CHAT: variants seen among roughly 807,000 people sequenced by gnomAD.
CHAT encodes choline O-acetyltransferase, also known as acetyl CoA:choline O-acetyltransferase.
In CHAT, 61 loss-of-function variants were observed where a neutral mutation model predicts 76.9. The ratio of observed to expected loss-of-function variants is 0.79; its 90% CI spans 0.65 to 0.98. The LOEUF (loss-of-function observed/expected upper bound fraction) is 0.98. Ranked by LOEUF, CHAT falls within the 50% of genes least tolerant of loss-of-function variation. The pLI is 0.00. For missense variants in CHAT, 946 were observed against 986.9 expected, an observed-to-expected ratio of 0.96 and a Z score of 0.56; for synonymous variants, 407 against 397.4, an observed-to-expected ratio of 1.02 and a Z score of -0.29.
chr10:49,654,725 CATAGGTGGGA>C (rs1047189250), intron 11 of CHAT, among the ~76,000 whole-genome samples: 2 of 152,232 alleles, frequency 1.3e-5, no homozygotes, highest in African/African-American at 4.8e-5. Flanking sequence ...AGGATTCCCG[CATAGGTGGGA>C]ATGATTAATT....
intron 10 of CHAT, among the ~76,000 whole-genome samples, chr10:49,650,134 C>T (rs1244241657): frequency 6.6e-6 from 1 of 152,170 alleles, no homozygotes; most frequent in Non-Finnish European, 1.5e-5. Flanking sequence ...CACATCCTGG[C>T]AACCACGTCT....
chr10:49,633,461 G>A lies in CHAT; in HGVS notation c.1111+5676G>A, dbSNP rs900467626. ...CTGTCTCCTTTAGGGGTGGCCGGGGGTGAAGCAGGATCTGACACTGGAAGG... is the reference window on the plus strand; with the variant it reads ...CTGTCTCCTTTAGGGGTGGCCGGGGATGAAGCAGGATCTGACACTGGAAGG... On this transcript the variant is annotated intron_variant, in intron 7 of 14. Coordinates refer to ENST00000337653, the MANE Select transcript of CHAT (RefSeq NM_020549.5). 9.8e-5 allele frequency among the ~76,000 whole-genome samples: 15 copies of A among 152,294 alleles called. 1 individual carries two copies. Among genetic ancestry groups the A allele is most frequent in the African/African-American group, 2.9e-4 (12 of 41,566 alleles).
intron 7 of CHAT, among the ~76,000 whole-genome samples, chr10:49,636,883 T>C (rs909891352): frequency 6.6e-6 from 1 of 152,236 alleles, no homozygotes; most frequent in Non-Finnish European, 1.5e-5. Context: ...TGTGGTAGTT[T>C]ATACTTTTCA....
chr10:49,643,330 C>T (rs553809530), intron 7 of CHAT, among the ~76,000 whole-genome samples: 1 of 152,320 alleles, frequency 6.6e-6, no homozygotes, highest in African/African-American at 2.4e-5. Flanking sequence ...TGCTTACAAG[C>T]CTGGGGATCT....
chr10:49,651,455 G>A (rs992680739), intron 10 of CHAT, among the ~76,000 whole-genome samples: 22 of 152,226 alleles, frequency 1.4e-4, no homozygotes, highest in Admixed American at 7.9e-4. Context: ...CCAGACTCCT[G>A]ATGGAGGAGG....
intron 5 of CHAT, among the ~76,000 whole-genome samples, chr10:49,622,393 C>T (rs1026544898): frequency 6.6e-6 from 1 of 152,216 alleles, no homozygotes; most frequent in East Asian, 1.9e-4. Flanking sequence ...AAAATGTCTC[C>T]TCCCTCCACA....
chr10:49,612,472 T>A, upstream of CHAT: 1 of 867,484 alleles, frequency 1.2e-6, no homozygotes, highest in African/African-American at 1.7e-5. Flanking sequence ...CCTTGACTTC[T>A]GCCCAAATCC....
At chr10:49,618,195 C>T (rs1357527482) in intron 2 of CHAT, among the ~76,000 whole-genome samples, 1 of 152,228 alleles carries the variant, frequency 6.6e-6, no homozygotes, top group Non-Finnish European at 1.5e-5. Context: ...CCAAATCTCT[C>T]CACAAGAGTA....
In CHAT at chr10:49,642,426, C is replaced by T. The variant is rs146311994; in HGVS notation, c.1112-4079C>T. ...CTGTCTAATGAGCCAGGACCTGGTTCCTGTTGGGCAGCGCTGGGCTCCTGG... is the reference window on the plus strand; with the variant it reads ...CTGTCTAATGAGCCAGGACCTGGTTTCTGTTGGGCAGCGCTGGGCTCCTGG... On this transcript the variant is annotated intron_variant, in intron 7 of 14. Coordinates refer to ENST00000337653, the MANE Select transcript of CHAT (RefSeq NM_020549.5). Among the ~76,000 whole-genome samples the T allele has an allele frequency of 3.3e-5, 5 of 152,364 alleles. No individual in the cohort carries two copies. In the East Asian group the frequency reaches 9.7e-4, roughly 29 times the overall value.
At chr10:49,632,046 G>A (rs1839142267) in intron 7 of CHAT, among the ~76,000 whole-genome samples, 1 of 152,148 alleles carries the variant, frequency 6.6e-6, no homozygotes, top group Non-Finnish European at 1.5e-5. Context: ...AGGAACAGTA[G>A]AAGGAAGCTG....
In CHAT at chr10:49,665,122, T is replaced by C; in HGVS notation, c.*76T>C. On this transcript the variant is annotated 3_prime_UTR_variant, in exon 15 of 15. Transcript: ENST00000337653. ...CCCTGCAGATCCCCACTCCCGTCCC[T>C]TACCCCAGCTTTCCACAGCTCCCTG... 10 of 1,517,232 alleles carry C rather than the reference T, an allele frequency of 6.6e-6. No individual in the cohort carries two copies. Among genetic ancestry groups the C allele is most frequent in the Non-Finnish European group, 9.1e-6 (10 of 1,097,708 alleles). The allele number at this position is 1,517,232 out of a possible 1,614,324, so 94.0% of individuals were successfully genotyped here.
At position 49,620,521 on chromosome 10, in the gene CHAT, G is replaced by A; in HGVS notation, c.606G>A (p.Met202Ile). ...TGTCTGAGTACTGGCTGAATGACAT[G>A]TATCTCAACAACCGCCTGGCCCTGC... is the stretch of plus-strand genomic sequence containing the variant. ...NWVSEYWLND[M>I]YLNNRLALPV... is the part of the protein sequence containing the mutation. Residue 202 changes from methionine (M) to isoleucine (I), a missense_variant, in exon 4 of 15, where the codon ATG becomes ATA. Met to Ile is a conservative substitution (Grantham distance 10). Transcript: ENST00000337653. 6.2e-7 allele frequency: 1 copy of A among 1,613,738 alleles called. No individual in the cohort carries two copies. Among genetic ancestry groups the A allele is most frequent in the Non-Finnish European group, 8.5e-7 (1 of 1,179,778 alleles).
At position 49,649,606 on chromosome 10, in the gene CHAT, A is replaced by C. The variant is rs1247659665; in HGVS notation, c.1481A>C (p.His494Pro). The C allele has an allele frequency of 6.2e-7, 1 of 1,613,862 alleles. No homozygotes were observed. The highest frequency in any genetic ancestry group is 2.2e-5 in the East Asian group (1 of 44,868). ...RWKCSPEIQG[H>P]LASSAEKLQR... is the part of the protein sequence containing the mutation. ...AAATGCTCCCCGGAAATTCAAGGCC[A>C]CTTAGCCTCCTCGGCAGAAAAACTT... is the stretch of plus-strand genomic sequence containing the variant. Residue 494 changes from histidine (H) to proline (P), a missense_variant, in exon 10 of 15, where the codon CAC (histidine) becomes CCC (proline). Transcript: ENST00000337653.
upstream of CHAT, chr10:49,610,991 T>G (rs138145399): frequency 1.2e-6 from 2 of 1,612,356 alleles, no homozygotes; most frequent in Non-Finnish European, 1.7e-6. Context: ...ACCCTGCCGC[T>G]GCCCACTCCG....
intron 4 of CHAT, among the ~76,000 whole-genome samples, chr10:49,621,775 A>G (rs1838718145): frequency 6.6e-6 from 1 of 151,920 alleles, no homozygotes; most frequent in South Asian, 2.1e-4. Flanking sequence ...TCCCTTCCCC[A>G]AGAGCTACTC....
At chr10:49,610,980 C>G, upstream of CHAT, 5 of 1,611,744 alleles carry the variant, frequency 3.1e-6, no homozygotes, top group Non-Finnish European at 1.7e-6. Flanking sequence ...TGTGGGAGCC[C>G]ACCCTGCCGC....
intron 7 of CHAT, among the ~76,000 whole-genome samples, chr10:49,629,222 C>T (rs1839030285): frequency 6.6e-6 from 1 of 152,248 alleles, no homozygotes; most frequent in African/African-American, 2.4e-5. Flanking sequence ...CTGAGAAACA[C>T]AGTCTGGGCC....
rs563288836 is a variant in CHAT at position 49,628,778 on chromosome 10, G to T, written c.1111+993G>T. Among the ~76,000 whole-genome samples the T allele has an allele frequency of 1.2e-3, 178 of 152,388 alleles. 4 individuals carry two copies. In the South Asian group the frequency reaches 0.035, roughly 30 times the overall value. On this transcript the variant is annotated intron_variant, in intron 7 of 14. Coordinates refer to ENST00000337653, the MANE Select transcript of CHAT (RefSeq NM_020549.5). ...CATGAGTGAGAAAGGCTGGAGGGAA[G>T]GATGGTACCCAGGCAGGCAGACCAA...
At chr10:49,618,148 G>T (rs989256290) in intron 2 of CHAT, among the ~76,000 whole-genome samples, 1 of 152,154 alleles carries the variant, frequency 6.6e-6, no homozygotes, top group Non-Finnish European at 1.5e-5. Flanking sequence ...GGGCAGCAAT[G>T]AATTATGTCT....
Sources: allele counts gnomAD v4.1 joint callset (sites outside exome capture counted in the v4.1 genomes callset), GRCh38; gene constraint gnomAD v4.1.1; transcripts MANE v1.5; gene names NCBI Gene and HGNC (gene_info 2026-07-23, HGNC 2026-07-21).